CNTNAP2: variants seen among roughly 807,000 people sequenced by gnomAD.
CNTNAP2 encodes the protein contactin associated protein 2, also known as contactin-associated protein-like 2.
In CNTNAP2, 98 loss-of-function variants were observed where a neutral mutation model predicts 155.2. That is an observed-to-expected ratio of 0.63 (90% confidence interval 0.54 to 0.75). CNTNAP2 has a LOEUF of 0.75. Among genes scored for constraint, CNTNAP2 ranks in the 30% least tolerant of loss-of-function variants. The pLI is 0.00. For missense variants in CNTNAP2, 1,727 were observed against 1,688.1 expected, an observed-to-expected ratio of 1.02 and a Z score of -0.40; for synonymous variants, 651 against 631.2, an observed-to-expected ratio of 1.03 and a Z score of -0.47.
At position 147,801,813 on chromosome 7, in the gene CNTNAP2, T is replaced by C. The variant is rs1476312662; in HGVS notation, c.2099-101752T>C. Among the ~76,000 whole-genome samples, 517 of 152,198 alleles carry C rather than the reference T, an allele frequency of 3.4e-3. 4 individuals are homozygous for C. Among genetic ancestry groups the C allele is most frequent in the Non-Finnish European group, 4.5e-3 (308 of 67,984 alleles). Reference sequence around the variant, plus strand: ...TTCCACAAAACCGCCATTGTCATCATGGCCTGTTCTCAATGACCTGCTGGG... The same window carrying C: ...TTCCACAAAACCGCCATTGTCATCACGGCCTGTTCTCAATGACCTGCTGGG... On this transcript the variant is annotated intron_variant, in intron 13 of 23. Transcript: ENST00000361727.
intron 14 of CNTNAP2, among the ~76,000 whole-genome samples, chr7:147,939,472 G>C (rs1363001693): frequency 6.6e-6 from 1 of 152,056 alleles, no homozygotes; most frequent in Admixed American, 6.6e-5. Flanking sequence ...GGGATTAGAG[G>C]CACCTGCCAC....
chr7:146,210,335 A>G (rs1164131766), intron 1 of CNTNAP2, among the ~76,000 whole-genome samples: 1 of 152,176 alleles, frequency 6.6e-6, no homozygotes, highest in Non-Finnish European at 1.5e-5. Context: ...CACTTAATAC[A>G]TAAGATGACT....
chr7:148,217,627 A>G, intron 19 of CNTNAP2, 103 bp downstream of exon 19: 1 of 1,277,132 alleles, frequency 7.8e-7, no homozygotes, highest in Non-Finnish European at 1.1e-6. Flanking sequence ...TATTCCCCAT[A>G]GGCTTTTTTA....
In CNTNAP2 at chr7:146,427,982, A is replaced by G. The variant is rs559418204; in HGVS notation, c.97+311009A>G. ...CATTCAGCTCCCACGTATGCGTGAG[A>G]ACATGTGGTATTTGGTTTTCTGTTG... is the stretch of plus-strand genomic sequence containing the variant. On this transcript the variant is annotated intron_variant, in intron 1 of 23. Transcript: ENST00000361727. 2.6e-5 allele frequency among the ~76,000 whole-genome samples: 4 copies of G among 152,296 alleles called. No homozygotes were observed. The South Asian group carries it at 8.3e-4, about 32-fold the overall frequency.
intron 1 of CNTNAP2, among the ~76,000 whole-genome samples, chr7:146,618,707 T>A (rs1489374273): frequency 6.6e-6 from 1 of 152,098 alleles, no homozygotes; most frequent in Non-Finnish European, 1.5e-5. Context: ...TTGAAAATAA[T>A]GCATAAACGT....
intron 1 of CNTNAP2, among the ~76,000 whole-genome samples, chr7:146,679,673 C>A (rs1800468324): frequency 6.6e-6 from 1 of 151,692 alleles, no homozygotes; most frequent in Non-Finnish European, 1.5e-5. Flanking sequence ...TTCTTTCTCT[C>A]CCTTCCTTCC....
At chr7:147,548,899 A>G (rs1285286514) in intron 11 of CNTNAP2, among the ~76,000 whole-genome samples, 2 of 152,160 alleles carry the variant, frequency 1.3e-5, no homozygotes, top group African/African-American at 4.8e-5. Context: ...CGCATTTGTC[A>G]AAGAGCAGAT....
In CNTNAP2 at chr7:147,132,353, A is replaced by G. The variant is rs1201319802; in HGVS notation, c.1192A>G (p.Ser398Gly). 6.2e-7 allele frequency: 1 copy of G among 1,613,706 alleles called. No individual in the cohort carries two copies. The highest frequency in any genetic ancestry group is 1.7e-5 in the Admixed American group (1 of 59,906). The change falls in exon 8 of 24, where the codon AGT (serine) becomes GGT (glycine). Residue 398 changes from serine to glycine, a missense_variant. Ser to Gly is a moderately conservative substitution (Grantham distance 56, BLOSUM62 0). Coordinates refer to ENST00000361727, the MANE Select transcript of CNTNAP2 (RefSeq NM_014141.6). ...GCTTAACCAGGACCTGTTCTCAGTCAGTTTCCAGTTTAGGACATGGAACCC... is the reference window on the plus strand; with the variant it reads ...GCTTAACCAGGACCTGTTCTCAGTCGGTTTCCAGTTTAGGACATGGAACCC... ...GRLNQDLFSV[S>G]FQFRTWNPNG...
intron 9 of CNTNAP2, among the ~76,000 whole-genome samples, chr7:147,393,238 A>G (rs185461235): frequency 2.6e-5 from 4 of 152,240 alleles, no homozygotes; most frequent in African/African-American, 7.2e-5. Flanking sequence ...TTCTCCTAGA[A>G]TATATCTCCT....
At chr7:146,742,777 G>A (rs7790238) in intron 1 of CNTNAP2, among the ~76,000 whole-genome samples, 69,698 of 151,986 alleles carry the variant, frequency 0.46, 18,819 homozygotes, top group African/African-American at 0.75. Context: ...TACTGTAATA[G>A]ATATATTCGG....
At chr7:147,851,592 A>G (rs530639597) in intron 13 of CNTNAP2, among the ~76,000 whole-genome samples, 8 of 151,802 alleles carry the variant, frequency 5.3e-5, no homozygotes, top group Non-Finnish European at 8.8e-5. Flanking sequence ...CTATGCAGCC[A>G]TAAAAAATGT....
intron 20 of CNTNAP2, among the ~76,000 whole-genome samples, chr7:148,250,847 G>GT (rs1435944219): frequency 6.6e-6 from 1 of 152,102 alleles, no homozygotes; most frequent in African/African-American, 2.4e-5. Context: ...GTTTTGCTTT[G>GT]TTTTTTCTGC....
chr7:147,566,128 AAAAAAGC>A (rs1438693659), intron 12 of CNTNAP2, among the ~76,000 whole-genome samples: 2 of 150,474 alleles, frequency 1.3e-5, no homozygotes, highest in Non-Finnish European at 3.0e-5. Flanking sequence ...CAAAAAAAAA[AAAAAAGC>A]AAAAACAAAA....
intron 13 of CNTNAP2, among the ~76,000 whole-genome samples, chr7:147,848,701 C>G (rs1467707264): frequency 7.9e-6 from 1 of 125,808 alleles, no homozygotes; most frequent in Non-Finnish European, 1.7e-5. Flanking sequence ...GGGCTTCAAA[C>G]TTTAGTTAAT....
intron 17 of CNTNAP2, among the ~76,000 whole-genome samples, chr7:148,152,685 G>A (rs898019637): frequency 7.2e-5 from 11 of 152,124 alleles, no homozygotes; most frequent in Non-Finnish European, 1.5e-4. Context: ...CCAGCCAGGA[G>A]GGAACCAGTT....
At chr7:147,212,462 T>C (rs1469738586) in intron 8 of CNTNAP2, among the ~76,000 whole-genome samples, 1 of 152,148 alleles carries the variant, frequency 6.6e-6, no homozygotes, top group Non-Finnish European at 1.5e-5. Flanking sequence ...TGAAGGCCTC[T>C]ATTCTAACTA....
chr7:146,411,846 A>ATTTATTTTT (rs1554429873), intron 1 of CNTNAP2, among the ~76,000 whole-genome samples: 2 of 85,112 alleles, frequency 2.3e-5, no homozygotes, highest in African/African-American at 6.6e-5. Context: ...TTATTTATTT[A>ATTTATTTTT]TTTTATTTGA....
intron 1 of CNTNAP2, among the ~76,000 whole-genome samples, chr7:146,331,577 TGG>T (rs1479554830): frequency 6.6e-6 from 1 of 152,004 alleles, no homozygotes; most frequent in Non-Finnish European, 1.5e-5. Flanking sequence ...GGGTTTGTTG[TGG>T]GATGGTGGGT....
chr7:147,092,757 C>G (rs1800433135), intron 4 of CNTNAP2, among the ~76,000 whole-genome samples: 2 of 152,096 alleles, frequency 1.3e-5, no homozygotes. Flanking sequence ...CTACATACCT[C>G]TGTACTACAA....
Sources: gnomAD v4.1 joint callset for allele counts (sites outside exome capture counted in the v4.1 genomes callset) on GRCh38, gnomAD v4.1.1 for gene constraint, MANE v1.5 for transcripts, NCBI Gene and HGNC (gene_info 2026-07-23, HGNC 2026-07-21) for gene names.